Variants in NRG1 observed in about 807,000 individuals in gnomAD.
NRG1 encodes the protein neuregulin 1.
A neutral mutation model predicts 63.8 loss-of-function variants in NRG1; 18 were observed. The observed-to-expected ratio is 0.28, with a 90% confidence interval of 0.19 to 0.42. NRG1 has a LOEUF of 0.42. NRG1 is among the 10% of genes least tolerant of loss of function. NRG1 has a pLI of 1.00. For missense variants in NRG1, 762 were observed against 814.7 expected (o/e 0.94, Z 0.79); for synonymous variants, 302 against 301.3 (o/e 1.00, Z -0.02).
At chr8:32,272,520 G>A (rs547418881) in intron 1 of NRG1, among the ~76,000 whole-genome samples, 6 of 152,154 alleles carry the variant, frequency 3.9e-5, no homozygotes, top group Non-Finnish European at 7.4e-5. Context: ...TGCCTTGCCA[G>A]TCTCAGAAAA....
At chr8:32,639,171 C>T (rs1043793207) in intron 5 of NRG1, among the ~76,000 whole-genome samples, 3 of 151,998 alleles carry the variant, frequency 2.0e-5, no homozygotes, top group South Asian at 2.1e-4. Flanking sequence ...TTTGGGAGGC[C>T]GAGGTGGGCG....
intron 5 of NRG1, among the ~76,000 whole-genome samples, chr8:32,618,422 A>G (rs1211880005): frequency 6.6e-6 from 1 of 152,162 alleles, no homozygotes; most frequent in Non-Finnish European, 1.5e-5. Flanking sequence ...GGTTTTCCCA[A>G]GCTTTGGGGA....
chr8:31,639,653 C>CA (rs1278205986), intron 1 of NRG1: 1 of 1,396,538 alleles, frequency 7.2e-7, no homozygotes, highest in African/African-American at 1.5e-5. Flanking sequence ...GCCCCGACAG[C>CA]AGGGCTCGGG....
chr8:31,853,252 G>A (rs1423014234), intron 1 of NRG1, among the ~76,000 whole-genome samples: 3 of 152,056 alleles, frequency 2.0e-5, no homozygotes, highest in Non-Finnish European at 4.4e-5. Context: ...AGCATGGAAT[G>A]TTCTTCCATT....
At chr8:32,329,602 T>G (rs1433959863) in intron 1 of NRG1, among the ~76,000 whole-genome samples, 1 of 152,180 alleles carries the variant, frequency 6.6e-6, no homozygotes, top group Non-Finnish European at 1.5e-5. Flanking sequence ...GGTTCGTCAC[T>G]GCTGTTGTGG....
intron 5 of NRG1, among the ~76,000 whole-genome samples, chr8:32,668,780 TATA>T (rs1804872211): frequency 6.6e-6 from 1 of 152,198 alleles, no homozygotes; most frequent in African/African-American, 2.4e-5. Context: ...CTCAAGACTA[TATA>T]ATGTTAGAAA....
chr8:32,086,040 A>G (rs1283913735), intron 1 of NRG1, among the ~76,000 whole-genome samples: 4 of 152,236 alleles, frequency 2.6e-5, no homozygotes, highest in Non-Finnish European at 5.9e-5. Context: ...CACAAGGCAC[A>G]GAAATTTAAT....
At chr8:32,260,411 T>C (rs1586463061) in intron 1 of NRG1, among the ~76,000 whole-genome samples, 1 of 152,168 alleles carries the variant, frequency 6.6e-6, no homozygotes, top group Non-Finnish European at 1.5e-5. Context: ...GTGCCAATAA[T>C]TCCACCCTTC....
At chr8:31,773,142 G>A (rs944543729) in intron 1 of NRG1, among the ~76,000 whole-genome samples, 1 of 152,178 alleles carries the variant, frequency 6.6e-6, no homozygotes, top group Admixed American at 6.5e-5. Context: ...AGACAAACTT[G>A]CTCTGGTATT....
intron 1 of NRG1, among the ~76,000 whole-genome samples, chr8:31,683,831 C>T (rs1278561277): frequency 2.6e-5 from 4 of 152,098 alleles, no homozygotes; most frequent in African/African-American, 9.6e-5. Context: ...ACTTTCTGTT[C>T]TATGTTGCTG....
At chr8:31,812,934 G>T (rs1254563636) in intron 1 of NRG1, among the ~76,000 whole-genome samples, 7 of 152,120 alleles carry the variant, frequency 4.6e-5, no homozygotes, top group Non-Finnish European at 8.8e-5. Flanking sequence ...TTTCAAGTTG[G>T]ATAGGACCAC....
chr8:32,280,680 GTTT>G (rs1235833561), intron 1 of NRG1, among the ~76,000 whole-genome samples: 1 of 53,722 alleles, frequency 1.9e-5, no homozygotes, highest in South Asian at 6.9e-4. Flanking sequence ...ACTGAATTAG[GTTT>G]TTTTTTTGTT....
intron 2 of NRG1, among the ~76,000 whole-genome samples, chr8:32,598,520 G>A (rs935236408): frequency 6.6e-6 from 1 of 152,110 alleles, no homozygotes; most frequent in Non-Finnish European, 1.5e-5. Context: ...GGTCCAGACA[G>A]CTAAGAGCAC....
At chr8:32,152,612 G>A (rs535939266) in intron 1 of NRG1, among the ~76,000 whole-genome samples, 2 of 152,102 alleles carry the variant, frequency 1.3e-5, no homozygotes, top group East Asian at 3.9e-4. Flanking sequence ...CATTAATATA[G>A]CCAGTCTCCA....
At chr8:32,069,620 C>T (rs1215702629) in intron 1 of NRG1, among the ~76,000 whole-genome samples, 1 of 152,132 alleles carries the variant, frequency 6.6e-6, no homozygotes, top group African/African-American at 2.4e-5. Context: ...TAAGCCCTGA[C>T]AGTGGAATGG....
At chr8:32,185,424 G>C (rs1841875013) in intron 1 of NRG1, among the ~76,000 whole-genome samples, 2 of 152,100 alleles carry the variant, frequency 1.3e-5, no homozygotes, top group South Asian at 4.1e-4. Context: ...TTTACATTTT[G>C]CCTCTGTCTC....
chr8:31,949,675 C>G (rs1327113443), intron 1 of NRG1, among the ~76,000 whole-genome samples: 1 of 152,126 alleles, frequency 6.6e-6, no homozygotes, highest in Non-Finnish European at 1.5e-5. Context: ...AGTTTCGGTT[C>G]TGGGTCATCT....
At chr8:32,015,850 G>GTT (rs752417195) in intron 1 of NRG1, among the ~76,000 whole-genome samples, 5 of 137,974 alleles carry the variant, frequency 3.6e-5, no homozygotes, top group Admixed American at 7.0e-5. Flanking sequence ...GTTTTCTCTT[G>GTT]TTTGTTTTTT....
intron 1 of NRG1, among the ~76,000 whole-genome samples, chr8:32,354,339 A>T (rs1806062241): frequency 6.6e-6 from 1 of 151,768 alleles, no homozygotes; most frequent in Admixed American, 6.6e-5. Flanking sequence ...ACTGCACTCC[A>T]GTCTGGGAGA....
Sources: allele counts gnomAD v4.1 joint callset (sites outside exome capture counted in the v4.1 genomes callset), GRCh38; gene constraint gnomAD v4.1.1; transcripts MANE v1.5; gene names NCBI Gene and HGNC (gene_info 2026-07-23, HGNC 2026-07-21).